Variants in EFNA5 observed in about 807,000 individuals in gnomAD.
EFNA5 encodes ephrin A5.
In EFNA5, 5 loss-of-function variants were observed where a neutral mutation model predicts 22.9. The observed-to-expected ratio is 0.22, with a 90% CI of 0.11 to 0.46. The LOEUF is 0.46. EFNA5 is among the 20% of genes least tolerant of loss of function. EFNA5 has a pLI of 0.99. For synonymous variants in EFNA5, 113 were observed against 112.2 expected, an observed-to-expected ratio of 1.01 and a Z score of -0.04; for missense variants, 237 against 293.3, an observed-to-expected ratio of 0.81 and a Z score of 1.40.
intron 1 of EFNA5, among the ~76,000 whole-genome samples, chr5:107,433,729 T>C (rs1749031589): frequency 6.6e-6 from 1 of 151,960 alleles, no homozygotes; most frequent in Non-Finnish European, 1.5e-5. Context: ...ACTCCATCTC[T>C]ATAAAACATT....
At chr5:107,546,687 CT>C (rs1748165605) in intron 1 of EFNA5, among the ~76,000 whole-genome samples, 1 of 54,784 alleles carries the variant, frequency 1.8e-5, no homozygotes, top group Non-Finnish European at 3.7e-5. Context: ...CACACACACA[CT>C]CTCACCCCTG....
chr5:107,385,407 GA>G (rs1364882759), intron 4 of EFNA5, among the ~76,000 whole-genome samples: 1 of 152,156 alleles, frequency 6.6e-6, no homozygotes, highest in Non-Finnish European at 1.5e-5. Context: ...AAAACCATGG[GA>G]AAGATATGCC....
rs150028603 is a variant in EFNA5 at position 107,443,091 on chromosome 5, C to A, written c.126-15582G>T. On this transcript the variant is annotated intron_variant, in intron 1 of 4. Coordinates refer to ENST00000333274, the MANE Select transcript of EFNA5 (RefSeq NM_001962.3). ...CTGTAGATGAGCTCTTGGAAAAGTA[C>A]CATTATGAAACCATTAGGGGCATTG... 4.7e-4 allele frequency among the ~76,000 whole-genome samples: 72 copies of A among 152,036 alleles called. 1 individual carries two copies. In the East Asian group the frequency reaches 0.013, roughly 27 times the overall value.
intron 1 of EFNA5, among the ~76,000 whole-genome samples, chr5:107,449,496 T>C (rs1749492710): frequency 6.6e-6 from 1 of 152,090 alleles, no homozygotes; most frequent in Admixed American, 6.6e-5. Flanking sequence ...ATGTAGCTTA[T>C]CACATCATCC....
At chr5:107,510,496 G>C (rs1221807520) in intron 1 of EFNA5, among the ~76,000 whole-genome samples, 1 of 152,052 alleles carries the variant, frequency 6.6e-6, no homozygotes, top group Non-Finnish European at 1.5e-5. Context: ...TTACTCTAGG[G>C]ACTTGCACCA....
At position 107,463,955 on chromosome 5, in the gene EFNA5, T is replaced by TCACAG. The variant is rs548317613; in HGVS notation, c.126-36451_126-36447dup. ...GTGGCATCAAGTACCTCATATTAGA[T>TCACAG]CACAGTTTACTCTGTATGACAGCAG... On this transcript the variant is annotated intron_variant, in intron 1 of 4. Transcript: ENST00000333274. 1.1e-4 allele frequency among the ~76,000 whole-genome samples: 16 copies of TCACAG among 152,270 alleles called. No individual in the cohort carries two copies. The South Asian group carries it at 3.1e-3, about 30-fold the overall frequency.
intron 4 of EFNA5, among the ~76,000 whole-genome samples, chr5:107,384,020 T>C (rs1016053558): frequency 3.9e-5 from 6 of 152,176 alleles, no homozygotes; most frequent in African/African-American, 1.4e-4. Flanking sequence ...TGTTCCTCAT[T>C]CAGGATTCCA....
Position 107,660,278 on chromosome 5 carries a change from AT to A in EFNA5, c.125+10210del, listed in dbSNP as rs1301902199. On this transcript the variant is annotated intron_variant, in intron 1 of 4. Coordinates refer to ENST00000333274, the MANE Select transcript of EFNA5 (RefSeq NM_001962.3). ...GGCAAAAACATATATATATATATAT[AT>A]ATATATATATATATATATATATATA... 1.6e-4 allele frequency among the ~76,000 whole-genome samples: 7 copies of A among 42,940 alleles called. No individual in the cohort carries two copies. In the East Asian group the frequency reaches 9.0e-3, roughly 55 times the overall value. The allele number at this position is 42,940 out of a possible 152,430, so 28.2% of individuals were successfully genotyped here.
At chr5:107,627,649 A>G (rs1750170720) in intron 1 of EFNA5, among the ~76,000 whole-genome samples, 1 of 151,932 alleles carries the variant, frequency 6.6e-6, no homozygotes, top group East Asian at 1.9e-4. Context: ...AAAAAAAAAA[A>G]AAAAAAAGGA....
intron 1 of EFNA5, among the ~76,000 whole-genome samples, chr5:107,460,081 G>T (rs991115354): frequency 6.6e-6 from 1 of 152,148 alleles, no homozygotes; most frequent in African/African-American, 2.4e-5. Flanking sequence ...GAAGATGACT[G>T]TAGCCAATAA....
chr5:107,555,321 C>A (rs11957374), intron 1 of EFNA5, among the ~76,000 whole-genome samples: 17,602 of 152,204 alleles, frequency 0.12, 1,077 homozygotes, highest in South Asian at 0.14. Context: ...AGCCAACATG[C>A]AGCTTTGTAA....
At chr5:107,396,796 G>A (rs1287445505) in intron 2 of EFNA5, among the ~76,000 whole-genome samples, 2 of 152,180 alleles carry the variant, frequency 1.3e-5, no homozygotes, top group African/African-American at 4.8e-5. Flanking sequence ...GGAAGATCCT[G>A]TTCCTTTTGA....
chr5:107,464,180 G>A (rs995676165), intron 1 of EFNA5, among the ~76,000 whole-genome samples: 2 of 152,098 alleles, frequency 1.3e-5, no homozygotes, highest in Non-Finnish European at 2.9e-5. Flanking sequence ...AGTCTGGGCT[G>A]GCTAGAATTC....
chr5:107,595,340 C>T (rs982909121), intron 1 of EFNA5, among the ~76,000 whole-genome samples: 5 of 152,062 alleles, frequency 3.3e-5, no homozygotes, highest in Admixed American at 2.0e-4. Context: ...ATCAGACTTA[C>T]TATACAACAA....
chr5:107,499,558 T>C (rs1372135508), intron 1 of EFNA5, among the ~76,000 whole-genome samples: 3 of 152,236 alleles, frequency 2.0e-5, no homozygotes, highest in South Asian at 2.1e-4. Flanking sequence ...CAAAAACATA[T>C]TGACACTGGA....
At chr5:107,409,563 A>G (rs1257061370) in intron 2 of EFNA5, among the ~76,000 whole-genome samples, 1 of 152,206 alleles carries the variant, frequency 6.6e-6, no homozygotes, top group East Asian at 1.9e-4. Flanking sequence ...TGTATTAGTG[A>G]GTGCCTGTCC....
rs139574722 is a variant in EFNA5 at position 107,451,173 on chromosome 5, G to A, written c.126-23664C>T. On this transcript the variant is annotated intron_variant, in intron 1 of 4. Coordinates refer to ENST00000333274, the MANE Select transcript of EFNA5 (RefSeq NM_001962.3). Reference sequence around the variant, plus strand: ...CTTTGATCTCCACAGGAATCTCAGCGTAGCTTCTTGTACAGTAATACCTAT... The same window carrying A: ...CTTTGATCTCCACAGGAATCTCAGCATAGCTTCTTGTACAGTAATACCTAT... Among the ~76,000 whole-genome samples the A allele has an allele frequency of 2.9e-3, 438 of 152,284 alleles. 4 individuals carry two copies. The highest frequency in any genetic ancestry group is 0.014 in the Admixed American group (210 of 15,290).
rs770718022 is a variant in EFNA5, at chr5:107,427,177, T to G, written c.418+40A>C. 3.7e-6 allele frequency: 6 copies of G among 1,611,602 alleles called. No homozygotes were observed. The Admixed American group carries it at 1.0e-4, about 27-fold the overall frequency. ...TGGGTAAAAAATTAGTCTGGGTTCT[T>G]GCAGCTGCCCTACAACACGATAAAT... is the stretch of plus-strand genomic sequence containing the variant. On this transcript the variant is annotated intron_variant, in intron 2 of 4. Transcript: ENST00000333274.
rs1279685816 is a variant in EFNA5, at chr5:107,377,297, T to G, written c.*3958A>C. The G allele has an allele frequency of 6.6e-6, 1 of 152,118 alleles. No individual in the cohort carries two copies. Among genetic ancestry groups the G allele is most frequent in the East Asian group, 1.9e-4 (1 of 5,166 alleles). The allele number at this position is 152,118 out of a possible 1,614,324, so 9.4% of individuals were successfully genotyped here. A position where few individuals can be genotyped will look rare whatever the true frequency, so the allele number is the denominator to read the frequency against. On this transcript the variant is annotated 3_prime_UTR_variant, in exon 5 of 5. Coordinates refer to ENST00000333274, the MANE Select transcript of EFNA5 (RefSeq NM_001962.3). ...TCCTAGCAGCCCTGGGGCCAATGCA[T>G]GGGAAAAACTCAGTGATGCCAAACC...
Sources: gnomAD v4.1 joint callset for allele counts (sites outside exome capture counted in the v4.1 genomes callset) on GRCh38, gnomAD v4.1.1 for gene constraint, MANE v1.5 for transcripts, NCBI Gene and HGNC (gene_info 2026-07-23, HGNC 2026-07-21) for gene names.